MEGF10: variants seen among roughly 807,000 people sequenced by gnomAD.
MEGF10 encodes multiple EGF like domains 10.
In MEGF10, 86 loss-of-function variants were observed where a neutral mutation model predicts 147.5. The observed-to-expected ratio is 0.58, with a 90% confidence interval of 0.49 to 0.70. The LOEUF (loss-of-function observed/expected upper bound fraction) is 0.70. Ranked by LOEUF, MEGF10 falls within the 30% of genes least tolerant of loss-of-function variation. The probability of loss-of-function intolerance (pLI) is 0.00; values close to 1 mark genes in which losing one functional copy is unlikely to be tolerated. For synonymous variants in MEGF10, 478 were observed against 525.5 expected (o/e 0.91, Z 1.24); for missense variants, 1,329 against 1,487.3 (o/e 0.89, Z 1.75).
At position 127,460,345 on chromosome 5, in the gene MEGF10, C is replaced by T. The variant is rs1181196219; in HGVS notation, c.*3027C>T. The T allele has an allele frequency of 6.6e-6, 1 of 152,154 alleles. No individual in the cohort carries two copies. The highest frequency in any genetic ancestry group is 1.5e-5 in the Non-Finnish European group (1 of 68,024). The allele number at this position is 152,154 out of a possible 1,614,324, so 9.4% of individuals were successfully genotyped here. On this transcript the variant is annotated 3_prime_UTR_variant, in exon 25 of 25. Coordinates refer to ENST00000503335, the MANE Select transcript of MEGF10 (RefSeq NM_001256545.2). ...AGGTTAATTATATGATAGTGAGGAA[C>T]ATTTTACAATTATTTACAGTGTTTG...
At chr5:127,255,896 A>G in the MEGF10 span, among the ~76,000 whole-genome samples, 1 of 152,088 alleles carries the variant, frequency 6.6e-6, no homozygotes, top group East Asian at 1.9e-4. Context: ...ATGGTTTACA[A>G]CCTTGTTTGT....
chr5:127,421,424 T>G (rs757221709), intron 12 of MEGF10, among the ~76,000 whole-genome samples: 1 of 152,228 alleles, frequency 6.6e-6, no homozygotes, highest in Non-Finnish European at 1.5e-5. Context: ...TCCTCCTCTG[T>G]GGTAATTCTG....
At chr5:127,325,522 T>C (rs937603217) in intron 1 of MEGF10, among the ~76,000 whole-genome samples, 3 of 152,006 alleles carry the variant, frequency 2.0e-5, no homozygotes, top group African/African-American at 7.2e-5. Flanking sequence ...ACCGTGGGGT[T>C]GGCTGTTTAG....
At chr5:127,424,702 C>A in intron 13 of MEGF10, 1 of 330,478 alleles carries the variant, frequency 3.0e-6, no homozygotes, top group Non-Finnish European at 4.5e-6. Flanking sequence ...CCCACAGACA[C>A]GAGGCCTCCC....
the MEGF10 span, among the ~76,000 whole-genome samples, chr5:127,231,064 C>T: frequency 6.6e-6 from 1 of 152,134 alleles, no homozygotes; most frequent in Non-Finnish European, 1.5e-5. Flanking sequence ...ACACGGGATC[C>T]ATTTGTAAGT....
chr5:127,388,632 G>A (rs1026246188), intron 5 of MEGF10, among the ~76,000 whole-genome samples: 3 of 151,590 alleles, frequency 2.0e-5, no homozygotes, highest in East Asian at 1.9e-4. Flanking sequence ...TGCAAACTCC[G>A]CCTCCTGGGT....
At chr5:127,294,015 T>G (rs1232645022) in intron 1 of MEGF10, among the ~76,000 whole-genome samples, 1 of 152,234 alleles carries the variant, frequency 6.6e-6, no homozygotes, top group Non-Finnish European at 1.5e-5. Context: ...GCACTTTCAC[T>G]CTTCCATGAC....
At chr5:127,247,129 A>G in the MEGF10 span, among the ~76,000 whole-genome samples, 3 of 143,564 alleles carry the variant, frequency 2.1e-5, no homozygotes, top group South Asian at 2.1e-4. Flanking sequence ...AAGGGTCTAT[A>G]TATGTTTCTG....
At chr5:127,381,793 C>T (rs929426436) in intron 5 of MEGF10, among the ~76,000 whole-genome samples, 1 of 152,182 alleles carries the variant, frequency 6.6e-6, no homozygotes, top group African/African-American at 2.4e-5. Flanking sequence ...GCCTCAGCCT[C>T]CTGAGTAGCT....
chr5:127,281,764 A>G, the MEGF10 span, among the ~76,000 whole-genome samples: 2 of 152,286 alleles, frequency 1.3e-5, no homozygotes, highest in African/African-American at 4.8e-5. Context: ...CAGGCTCTTC[A>G]GTAGGCCTAG....
chr5:127,337,115 T>C (rs570804891), intron 2 of MEGF10, among the ~76,000 whole-genome samples: 1 of 152,254 alleles, frequency 6.6e-6, no homozygotes, highest in South Asian at 2.1e-4. Context: ...GGCTCAGTGT[T>C]CCCAAGTGGG....
chr5:127,289,227 A>T (rs1759130133), upstream of MEGF10, among the ~76,000 whole-genome samples: 1 of 152,228 alleles, frequency 6.6e-6, no homozygotes, highest in South Asian at 2.1e-4. Context: ...AATGTAACTT[A>T]TCCCCCAATA....
chr5:127,408,518 A>C (rs918702957), intron 8 of MEGF10, among the ~76,000 whole-genome samples: 2 of 152,216 alleles, frequency 1.3e-5, no homozygotes, highest in Admixed American at 1.3e-4. Flanking sequence ...CTTAGAGGTT[A>C]AAAATAAAGA....
intron 21 of MEGF10, among the ~76,000 whole-genome samples, chr5:127,448,207 T>G (rs888574371): frequency 2.0e-5 from 3 of 152,218 alleles, no homozygotes; most frequent in Non-Finnish European, 4.4e-5. Flanking sequence ...ATTGCTATTT[T>G]TGTAGGTCAA....
chr5:127,416,203 G>T (rs1187488746), intron 9 of MEGF10, among the ~76,000 whole-genome samples: 1 of 151,674 alleles, frequency 6.6e-6, no homozygotes, highest in Non-Finnish European at 1.5e-5. Flanking sequence ...AATTTTTTGT[G>T]TTTTTTAGTA....
chr5:127,431,786 A>G (rs570235925), intron 13 of MEGF10, among the ~76,000 whole-genome samples: 1 of 152,282 alleles, frequency 6.6e-6, no homozygotes, highest in South Asian at 2.1e-4. Context: ...TTCTCAAAAC[A>G]AAGTTTAGGT....
the MEGF10 span, among the ~76,000 whole-genome samples, chr5:127,255,469 G>A: frequency 6.6e-6 from 1 of 151,532 alleles, no homozygotes; most frequent in African/African-American, 2.4e-5. Context: ...ACAAGGAGGG[G>A]GGCAGTTTTA....
intron 5 of MEGF10, among the ~76,000 whole-genome samples, chr5:127,373,026 C>A (rs979286657): frequency 3.6e-4 from 55 of 152,160 alleles, no homozygotes; most frequent in African/African-American, 1.3e-3. Context: ...TCTTCTCCTG[C>A]ATTTATTCAA....
chr5:127,321,567 A>G (rs927513434), intron 1 of MEGF10, among the ~76,000 whole-genome samples: 9 of 151,994 alleles, frequency 5.9e-5, no homozygotes, highest in Non-Finnish European at 1.2e-4. Context: ...TTGTTCCTCT[A>G]TGGGGTTTTC....
Sources: allele counts gnomAD v4.1 joint callset (sites outside exome capture counted in the v4.1 genomes callset), GRCh38; gene constraint gnomAD v4.1.1; transcripts MANE v1.5; gene names NCBI Gene and HGNC (gene_info 2026-07-23, HGNC 2026-07-21).